Variants in AHI1 observed in about 807,000 individuals in gnomAD.
AHI1 encodes jouberin.
Under a neutral mutation model 149.3 loss-of-function variants are expected in AHI1, and 123 were observed. The ratio of observed to expected loss-of-function variants is 0.82; its 90% CI spans 0.71 to 0.96. AHI1 has a LOEUF of 0.96. Ranked by LOEUF, AHI1 falls within the 40% of genes least tolerant of loss-of-function variation. The pLI is 0.00. For missense variants in AHI1, 1,439 were observed against 1,422.7 expected, an observed-to-expected ratio of 1.01 and a Z score of -0.18; for synonymous variants, 475 against 459.8, an observed-to-expected ratio of 1.03 and a Z score of -0.42.
intron 24 of AHI1, among the ~76,000 whole-genome samples, chr6:135,335,726 T>C (rs916656706): frequency 1.3e-5 from 2 of 152,194 alleles, no homozygotes; most frequent in Admixed American, 6.5e-5. Context: ...TTACTAGTAA[T>C]AGACACAGAC....
At chr6:135,463,043 T>C (rs935329837) in intron 8 of AHI1, 82 bp downstream of exon 8, 3 of 1,057,990 alleles carry the variant, frequency 2.8e-6, no homozygotes, top group African/African-American at 3.2e-5. Context: ...AGTATACCCA[T>C]CAGTTTTAAA....
chr6:135,421,358 T>G (rs1001517262), intron 20 of AHI1, among the ~76,000 whole-genome samples: 2 of 152,156 alleles, frequency 1.3e-5, no homozygotes, highest in African/African-American at 4.8e-5. Flanking sequence ...AAACGCAATA[T>G]CTATGAAGCA....
chr6:135,428,963 G>A (rs1160381032), intron 18 of AHI1, among the ~76,000 whole-genome samples: 1 of 151,652 alleles, frequency 6.6e-6, no homozygotes, highest in African/African-American at 2.4e-5. Flanking sequence ...AATTTAGCAA[G>A]AGAGGAGAAA....
At chr6:135,316,660 T>C (rs1483356114) in intron 26 of AHI1, among the ~76,000 whole-genome samples, 1 of 152,182 alleles carries the variant, frequency 6.6e-6, no homozygotes, top group East Asian at 1.9e-4. Flanking sequence ...AGTGTTTAAT[T>C]AGGTTCTGTC....
At chr6:135,450,646 C>A (rs973718214) in intron 11 of AHI1, among the ~76,000 whole-genome samples, 8 of 152,162 alleles carry the variant, frequency 5.3e-5, no homozygotes. Context: ...AAAAGATATT[C>A]CCCAGCTTCT....
rs146984704 is a variant in AHI1, at chr6:135,436,508, A to C, written c.2036+1867T>G. Among the ~76,000 whole-genome samples the C allele has an allele frequency of 3.0e-3, 452 of 152,338 alleles. 6 individuals carry two copies. Among genetic ancestry groups the C allele is most frequent in the Middle Eastern group, 0.014 (4 of 294 alleles). ...CTGAAGTAAAGACAGTATGTGTAGA[A>C]TACTCCTGATGGTGTAGAAAAAGAA... On this transcript the variant is annotated intron_variant, in intron 15 of 28. Transcript: ENST00000265602.
At chr6:135,383,590 C>A (rs1777178841) in intron 23 of AHI1, among the ~76,000 whole-genome samples, 1 of 151,352 alleles carries the variant, frequency 6.6e-6, no homozygotes, top group Non-Finnish European at 1.5e-5. Context: ...CTTGCTCAGC[C>A]AGAATGGAAT....
chr6:135,493,496 T>G (rs553272783), intron 3 of AHI1, among the ~76,000 whole-genome samples: 6 of 152,340 alleles, frequency 3.9e-5, no homozygotes, highest in African/African-American at 1.4e-4. Context: ...ATTCCTATAC[T>G]TTAGTGATAG....
At chr6:135,397,373 T>C (rs1445260134) in intron 22 of AHI1, among the ~76,000 whole-genome samples, 1 of 152,012 alleles carries the variant, frequency 6.6e-6, no homozygotes, top group African/African-American at 2.4e-5. Flanking sequence ...TTGGTTAAGA[T>C]AGTCTACCCT....
intron 22 of AHI1, among the ~76,000 whole-genome samples, chr6:135,400,633 G>A (rs984420956): frequency 4.6e-5 from 7 of 152,110 alleles, no homozygotes; most frequent in Non-Finnish European, 1.0e-4. Flanking sequence ...ATGTCAAAAA[G>A]AAAAAAATTA....
chr6:135,391,307 A>C (rs1778449655), intron 23 of AHI1, among the ~76,000 whole-genome samples: 1 of 152,164 alleles, frequency 6.6e-6, no homozygotes, highest in Non-Finnish European at 1.5e-5. Flanking sequence ...CATGGAAGAC[A>C]ATTTTTCCAT....
chr6:135,411,274 A>T, intron 21 of AHI1, 74 bp downstream of exon 21: 2 of 1,351,456 alleles, frequency 1.5e-6, no homozygotes, highest in East Asian at 2.3e-5. Context: ...TCATTAAATG[A>T]ATATTTATTG....
intron 24 of AHI1, among the ~76,000 whole-genome samples, chr6:135,350,868 A>G (rs1057334029): frequency 1.3e-5 from 2 of 152,180 alleles, no homozygotes; most frequent in Non-Finnish European, 2.9e-5. Context: ...AAAGCCCTAT[A>G]GGCCCTAGGA....
intron 22 of AHI1, among the ~76,000 whole-genome samples, chr6:135,401,874 A>AT (rs1562678115): frequency 6.6e-6 from 1 of 152,186 alleles, no homozygotes; most frequent in Non-Finnish European, 1.5e-5. Flanking sequence ...AAAAGACATC[A>AT]TTAAGAAAGT....
intron 5 of AHI1, among the ~76,000 whole-genome samples, chr6:135,471,576 TTA>T (rs1386532607): frequency 3.3e-5 from 5 of 152,284 alleles, no homozygotes; most frequent in Admixed American, 3.3e-4. Context: ...ATGGATCAAA[TTA>T]TGTTTGAATT....
chr6:135,412,214 A>C (rs185758328), intron 20 of AHI1, among the ~76,000 whole-genome samples: 1 of 152,318 alleles, frequency 6.6e-6, no homozygotes, highest in African/African-American at 2.4e-5. Context: ...TATGATAACT[A>C]TTTACATAGC....
Position 135,429,875 on chromosome 6 carries a change from T to C in AHI1, c.2492+7A>G, listed in dbSNP as rs370438725. 1.1e-5 allele frequency: 16 copies of C among 1,471,720 alleles called. No homozygotes were observed. Among genetic ancestry groups the C allele is most frequent in the Non-Finnish European group, 1.2e-5 (13 of 1,067,322 alleles). 91.2% of individuals were successfully genotyped at this position (1,471,720 alleles called of 1,614,324 possible). A position where few individuals can be genotyped will look rare whatever the true frequency, so the allele number is the denominator to read the frequency against. On this transcript the variant is annotated splice_region_variant and intron_variant, in intron 18 of 28. Transcript: ENST00000265602. ...TACTTATCCTGTCAACACTGAAATATACTTACATCCGGAGATCCATAATTC... is the reference window on the plus strand; with the variant it reads ...TACTTATCCTGTCAACACTGAAATACACTTACATCCGGAGATCCATAATTC...
At chr6:135,312,238 C>T (rs982264500) in intron 26 of AHI1, among the ~76,000 whole-genome samples, 2 of 152,060 alleles carry the variant, frequency 1.3e-5, no homozygotes, top group African/African-American at 4.8e-5. Context: ...GTGGGCTGGG[C>T]ACGGTGGCTC....
chr6:135,490,794 C>T (rs762733230), intron 4 of AHI1, 47 bp from the exon 5 acceptor site: 43 of 1,601,978 alleles, frequency 2.7e-5, no homozygotes, highest in Non-Finnish European at 3.5e-5. Context: ...TCTATCATAA[C>T]ACACAACCTA....
Sources: allele counts gnomAD v4.1 joint callset (sites outside exome capture counted in the v4.1 genomes callset), GRCh38; gene constraint gnomAD v4.1.1; transcripts MANE v1.5; gene names NCBI Gene and HGNC (gene_info 2026-07-23, HGNC 2026-07-21).